The following NFATC1 variants were observed in gnomAD, a reference collection of about 807,000 sequenced individuals.
NFATC1 encodes nuclear factor of activated T-cells, cytoplasmic 1.
Under a neutral mutation model 76.0 loss-of-function variants are expected in NFATC1, and 22 were observed. The observed-to-expected ratio is 0.29, with a 90% CI of 0.21 to 0.41. The LOEUF (loss-of-function observed/expected upper bound fraction) is 0.41. Ranked by LOEUF, NFATC1 falls within the 10% of genes least tolerant of loss-of-function variation. The pLI is 1.00. For missense variants in NFATC1, 1,357 were observed against 1,337.7 expected (o/e 1.01, Z -0.23); for synonymous variants, 704 against 613.1 (o/e 1.15, Z -2.19).
At chr18:79,423,944 C>T (rs532102761) in intron 2 of NFATC1, among the ~76,000 whole-genome samples, 8 of 152,308 alleles carry the variant, frequency 5.3e-5, no homozygotes, top group African/African-American at 1.7e-4. Context: ...TCTGGGTGAC[C>T]CTCCAGGGTG....
chr18:79,406,194 T>A (rs1332997686), intron 1 of NFATC1, among the ~76,000 whole-genome samples: 1 of 152,246 alleles, frequency 6.6e-6, no homozygotes, highest in East Asian at 1.9e-4. Context: ...TCTTCAGAAT[T>A]ACCTTTCTAC....
chr18:79,488,298 TTGTGTGTGTGTGTGTGTGTG>T (rs3222211), intron 9 of NFATC1, among the ~76,000 whole-genome samples: 11 of 141,010 alleles, frequency 7.8e-5, no homozygotes, highest in Non-Finnish European at 1.3e-4. Flanking sequence ...GCAGCCCTGG[TTGTGTGTGTGTGTGTGTGTG>T]TGTGTGTGTG....
intron 3 of NFATC1, among the ~76,000 whole-genome samples, chr18:79,447,866 A>T (rs934604484): frequency 5.3e-5 from 8 of 152,258 alleles, no homozygotes; most frequent in African/African-American, 1.7e-4. Flanking sequence ...TGGTGCAGAG[A>T]AGGAGGGTGA....
Position 79,527,623 on chromosome 18 carries a change from G to T in NFATC1, c.*46G>T, listed in dbSNP as rs765981151. The T allele has an allele frequency of 1.4e-5, 22 of 1,560,460 alleles. No homozygotes were observed. Among genetic ancestry groups the T allele is most frequent in the Non-Finnish European group, 1.8e-5 (20 of 1,132,548 alleles). ...GTTCAGCAGGGGTATGCTGACTTCA[G>T]CAGACAAAGACTTTTGAATAAATAA... On this transcript the variant is annotated 3_prime_UTR_variant, in exon 10 of 10. Transcript: ENST00000427363.
At chr18:79,414,342 C>T (rs994339120) in intron 2 of NFATC1, among the ~76,000 whole-genome samples, 1 of 152,224 alleles carries the variant, frequency 6.6e-6, no homozygotes, top group Non-Finnish European at 1.5e-5. Flanking sequence ...CACCGTGGTA[C>T]AGAACTGCTG....
intron 9 of NFATC1, chr18:79,527,247 G>A (rs1300643600): frequency 2.2e-5 from 8 of 368,404 alleles, no homozygotes; most frequent in South Asian, 1.7e-4. Flanking sequence ...TCCCAGCATC[G>A]CGGCCGGCAC....
rs183740679 is a variant in NFATC1 at position 79,402,314 on chromosome 18, G to A, written c.127+5963G>A. 99 of 985,390 alleles carry A rather than the reference G, an allele frequency of 1.0e-4. No individual in the cohort carries two copies. In the African/African-American group the frequency reaches 1.3e-3, roughly 13 times the overall value. 61.0% of individuals were successfully genotyped at this position (985,390 alleles called of 1,614,324 possible). A position where few individuals can be genotyped will look rare whatever the true frequency, so the allele number is the denominator to read the frequency against. On this transcript the variant is annotated intron_variant, in intron 1 of 9. Transcript: ENST00000427363. ...GGTGGGCGGGCTTCCTGCTGGCATC[G>A]GATATGGGGACCCTGGTGAACATGG...
chr18:79,398,937 G>C (rs2085091497), intron 1 of NFATC1, among the ~76,000 whole-genome samples: 1 of 152,210 alleles, frequency 6.6e-6, no homozygotes, highest in Non-Finnish European at 1.5e-5. Context: ...AGTGGTGGCG[G>C]GTGCCTGTAG....
At chr18:79,442,192 C>T (rs1487990421) in intron 3 of NFATC1, among the ~76,000 whole-genome samples, 1 of 152,190 alleles carries the variant, frequency 6.6e-6, no homozygotes, top group Non-Finnish European at 1.5e-5. Context: ...ACGGCAAGCA[C>T]GGCCTCTGGG....
At chr18:79,513,814 C>T (rs958833472) in intron 9 of NFATC1, among the ~76,000 whole-genome samples, 7 of 152,176 alleles carry the variant, frequency 4.6e-5, no homozygotes, top group African/African-American at 9.7e-5. Context: ...AGGGGAGGTG[C>T]GTGGCGTGGT....
At chr18:79,397,761 G>A (rs947085578) in intron 1 of NFATC1, among the ~76,000 whole-genome samples, 1 of 152,154 alleles carries the variant, frequency 6.6e-6, no homozygotes, top group Non-Finnish European at 1.5e-5. Context: ...CTGAAGAGCC[G>A]GTGGCCGACC....
chr18:79,454,576 G>A (rs1391410220), intron 6 of NFATC1, among the ~76,000 whole-genome samples: 1 of 152,212 alleles, frequency 6.6e-6, no homozygotes, highest in Non-Finnish European at 1.5e-5. Flanking sequence ...GAGGGTGGGT[G>A]TTTGAGTCTC....
intron 1 of NFATC1, chr18:79,400,394 G>C: frequency 6.8e-7 from 1 of 1,461,878 alleles, no homozygotes; most frequent in Non-Finnish European, 9.1e-7. Flanking sequence ...GACCCGCCAT[G>C]ACGGGGCTGG....
intron 3 of NFATC1, among the ~76,000 whole-genome samples, chr18:79,441,295 C>CA (rs1001349049): frequency 1.1e-4 from 16 of 152,186 alleles, no homozygotes; most frequent in African/African-American, 3.6e-4. Flanking sequence ...TCGGGCCCTT[C>CA]ACCCCTGTGT....
intron 8 of NFATC1, among the ~76,000 whole-genome samples, chr18:79,483,538 C>T (rs558103060): frequency 9.1e-6 from 1 of 110,426 alleles, no homozygotes; most frequent in East Asian, 2.9e-4. Context: ...CCTGGGGTGT[C>T]ACTCCGGCGT....
At chr18:79,478,986 G>A (rs951396665) in intron 8 of NFATC1, among the ~76,000 whole-genome samples, 2 of 152,176 alleles carry the variant, frequency 1.3e-5, no homozygotes, top group South Asian at 2.1e-4. Context: ...CCCCATGGAC[G>A]CTGGGGCTGC....
At position 79,396,561 on chromosome 18, in the gene NFATC1, A is replaced by G. The variant is rs946742148; in HGVS notation, c.127+210A>G. Among the ~76,000 whole-genome samples the G allele has an allele frequency of 4.6e-5, 7 of 152,008 alleles. 1 individual carries two copies. The East Asian group carries it at 1.2e-3, about 25-fold the overall frequency. ...CCGGTTCCGAGCGCGCCTTCTGCCA[A>G]TAGGTGTCTCCTCTGCCCCAGCGCT... On this transcript the variant is annotated intron_variant, in intron 1 of 9. Transcript: ENST00000427363.
intron 9 of NFATC1, among the ~76,000 whole-genome samples, chr18:79,495,461 T>G (rs1374556434): frequency 6.6e-6 from 1 of 152,240 alleles, no homozygotes; most frequent in Non-Finnish European, 1.5e-5. Context: ...TGCCTTTGAC[T>G]CCTTAAAAGT....
chr18:79,448,701 C>T (rs1462983146), intron 3 of NFATC1, 81 bp from the exon 4 acceptor site: 32 of 1,432,242 alleles, frequency 2.2e-5, no homozygotes, highest in East Asian at 4.6e-5. Flanking sequence ...TCGAACCCGC[C>T]GCAGGTTTTC....
Sources: gnomAD v4.1 joint callset for allele counts (sites outside exome capture counted in the v4.1 genomes callset) on GRCh38, gnomAD v4.1.1 for gene constraint, MANE v1.5 for transcripts, NCBI Gene and HGNC (gene_info 2026-07-23, HGNC 2026-07-21) for gene names.